The following EP400 variants were observed in gnomAD, a reference collection of about 807,000 sequenced individuals.
The protein encoded by EP400 is E1A binding protein p400, also known as E1A-binding protein p400.
EP400 carries 105 observed loss-of-function variants against 354.1 expected under a neutral mutation model. The observed-to-expected ratio is 0.30, with a 90% CI of 0.25 to 0.35. The LOEUF (loss-of-function observed/expected upper bound fraction) is 0.35, where lower values mean the gene tolerates loss of function less well. Among genes scored for constraint, EP400 ranks in the 10% least tolerant of loss-of-function variants. The pLI, the probability that EP400 is intolerant of heterozygous loss-of-function variation, is 1.00. For synonymous variants in EP400, 1,646 were observed against 1,716.9 expected, an observed-to-expected ratio of 0.96 and a Z score of 1.02; for missense variants, 3,280 against 4,121.0, an observed-to-expected ratio of 0.80 and a Z score of 5.59.
chr12:132,027,453 C>A lies in EP400; in HGVS notation c.5031C>A (p.Arg1677=). The change falls in exon 26 of 53, where the codon CGC becomes CGA. Residue 1677 remains arginine (R), a synonymous_variant. Coordinates refer to ENST00000389561, the MANE Select transcript of EP400 (RefSeq NM_015409.5). This position sits in a 1 kb window ranked among gnomAD's most constrained non-coding sequence, Gnocchi z 4.9. ...CATTTGTAGTTGGCGTTCCGGGCCGCGTGGCGGTGAATGCCTTGGCTGTAG... is the reference window on the plus strand; with the variant it reads ...CATTTGTAGTTGGCGTTCCGGGCCGAGTGGCGGTGAATGCCTTGGCTGTAG... ...PLTPQVGVPG[R]VAVNALAVGE... 1.2e-6 allele frequency: 2 copies of A among 1,614,100 alleles called. No individual in the cohort carries two copies. Among genetic ancestry groups the A allele is most frequent in the Non-Finnish European group, 1.7e-6 (2 of 1,180,042 alleles).
chr12:131,980,122 T>G lies in EP400; in HGVS notation c.1435+329T>G, dbSNP rs77868658. ...TTTTTAAGCTGATTTTTTCAAATGA[T>G]AAACTTAATACATTTTTATATAAAA... On this transcript the variant is annotated intron_variant, in intron 3 of 52. Transcript: ENST00000389561. Among the ~76,000 whole-genome samples, 722 of 152,322 alleles carry G rather than the reference T, an allele frequency of 4.7e-3. 43 individuals are homozygous for G. In the East Asian group the frequency reaches 0.12, roughly 26 times the overall value.
chr12:132,044,969 G>T lies in EP400; in HGVS notation c.6784+16G>T. ...GACCCCTCAGGTGCGCATCCCGAGG[G>T]CGTCACATGACCTGGGGGGGCCCTG... On this transcript the variant is annotated intron_variant, in intron 37 of 52. Coordinates refer to ENST00000389561, the MANE Select transcript of EP400 (RefSeq NM_015409.5). The T allele has an allele frequency of 1.2e-6, 2 of 1,612,960 alleles. No individual in the cohort carries two copies. Among genetic ancestry groups the T allele is most frequent in the Non-Finnish European group, 8.5e-7 (1 of 1,179,722 alleles).
rs1239191731 is a variant in EP400 at position 132,054,596 on chromosome 12, C to T, written c.7729-378C>T. Reference sequence around the variant, plus strand: ...GGAGTTGGTCATAAGAAGAACAAAACAGCAAGTACAGAGGCCCTGAGCTTG... The same window carrying T: ...GGAGTTGGTCATAAGAAGAACAAAATAGCAAGTACAGAGGCCCTGAGCTTG... On this transcript the variant is annotated intron_variant, in intron 43 of 52. Transcript: ENST00000389561. This position sits in a 1 kb window ranked among gnomAD's most constrained non-coding sequence, Gnocchi z 4.0. Among the ~76,000 whole-genome samples the T allele has an allele frequency of 2.0e-5, 3 of 152,172 alleles. No homozygotes were observed. The highest frequency in any genetic ancestry group is 2.9e-5 in the Non-Finnish European group (2 of 68,034).
At chr12:131,988,244 T>C (rs914496111) in intron 7 of EP400, among the ~76,000 whole-genome samples, 1 of 152,154 alleles carries the variant, frequency 6.6e-6, no homozygotes, top group East Asian at 1.9e-4. Flanking sequence ...ATAACTGTGC[T>C]GTGTAATTAA....
chr12:132,002,884 C>T (rs1455313206), intron 12 of EP400, among the ~76,000 whole-genome samples: 2 of 152,190 alleles, frequency 1.3e-5, no homozygotes, highest in Admixed American at 1.3e-4. Context: ...AAGGCTTCTT[C>T]ATGGTCTTCA....
In EP400 at chr12:132,055,185, C is replaced by T; in HGVS notation, c.7861C>T (p.Pro2621Ser). The T allele has an allele frequency of 6.4e-7, 1 of 1,574,216 alleles. No homozygotes were observed. Among genetic ancestry groups the T allele is most frequent in the East Asian group, 2.4e-5 (1 of 42,240 alleles). ...GTCCATCAACAAGCGCCTGGCGTCG[C>T]CAGTGGCTCCTGGGGCCTTGACTGT... is the stretch of plus-strand genomic sequence containing the variant. ...FQSINKRLASPVAPGALTTPG... is the reference protein window; with the variant it reads ...FQSINKRLASSVAPGALTTPG... Residue 2621 changes from proline to serine, a missense_variant, in exon 45 of 53, where the codon CCA becomes TCA. Pro to Ser is a moderately conservative substitution (Grantham distance 74). This residue lies in a region of EP400 where 255 missense variants were observed against 295.9 expected (regional missense o/e 0.86). Transcript: ENST00000389561.
intron 39 of EP400, among the ~76,000 whole-genome samples, chr12:132,049,911 G>C (rs919788507): frequency 6.6e-6 from 1 of 152,240 alleles, no homozygotes; most frequent in African/African-American, 2.4e-5. Flanking sequence ...CAGCCTCACT[G>C]TCCACCGTGG....
At position 131,960,707 on chromosome 12, in the gene EP400, G is replaced by GGGGGCCCCCCCC; in HGVS notation, c.88_89insGGGGCCCCCCCC (p.Ala30delinsGlyGlyProProPro). 3 of 1,545,584 alleles carry GGGGGCCCCCCCC rather than the reference G, an allele frequency of 1.9e-6. No homozygotes were observed. The highest frequency in any genetic ancestry group is 2.6e-6 in the Non-Finnish European group (3 of 1,146,240). ...TGGCAGCGAGGGTGAGGAGCAGCCGGCCCACCCCAACCCACCCCCGTCCCC... is the reference window on the plus strand; with the variant it reads ...TGGCAGCGAGGGTGAGGAGCAGCCGGGGGGCCCCCCCCCCCACCCCAACCCACCCCCGTCCCC... On this transcript the variant is annotated protein_altering_variant, in exon 2 of 53. Coordinates refer to ENST00000389561, the MANE Select transcript of EP400 (RefSeq NM_015409.5).
chr12:132,048,569 C>T (rs1483799802), intron 39 of EP400, among the ~76,000 whole-genome samples: 1 of 145,974 alleles, frequency 6.9e-6, no homozygotes, highest in African/African-American at 2.6e-5. Flanking sequence ...GTCACCTAGG[C>T]TGGAGTGCAG....
chr12:131,999,081 AAG>A (rs1320023615), intron 12 of EP400, among the ~76,000 whole-genome samples: 2 of 151,828 alleles, frequency 1.3e-5, no homozygotes, highest in Non-Finnish European at 1.5e-5. Context: ...CTTGCTTTGA[AAG>A]AGAGCACTTT....
Position 132,018,148 on chromosome 12 carries a change from T to G in EP400, c.4111-62T>G. Reference sequence around the variant, plus strand: ...AGGGCCCTGCCATAGAAATCAGTTTTGATTCTTAGGTGCTTTTTTTGCCTC... The same window carrying G: ...AGGGCCCTGCCATAGAAATCAGTTTGGATTCTTAGGTGCTTTTTTTGCCTC... On this transcript the variant is annotated intron_variant, in intron 20 of 52. Transcript: ENST00000389561. The surrounding 1 kb of genome is among the most constrained non-coding windows in gnomAD (Gnocchi z 4.0). The G allele has an allele frequency of 6.3e-7, 1 of 1,592,960 alleles. No homozygotes were observed. The highest frequency in any genetic ancestry group is 8.5e-7 in the Non-Finnish European group (1 of 1,173,804).
chr12:132,029,916 TGG>T lies in EP400; in HGVS notation c.5584+17_5584+18del, dbSNP rs764084336. On this transcript the variant is annotated intron_variant, in intron 28 of 52. Coordinates refer to ENST00000389561, the MANE Select transcript of EP400 (RefSeq NM_015409.5). The surrounding 1 kb of genome is among the most constrained non-coding windows in gnomAD (Gnocchi z 4.7). ...CAGTTCGACTCAGGTATGCGGCAGT[TGG>T]GGGCGTGGCCCGTGCGGGAGCTGCA... The T allele has an allele frequency of 5.0e-6, 8 of 1,611,628 alleles. No individual in the cohort carries two copies. Among genetic ancestry groups the T allele is most frequent in the Admixed American group, 3.3e-5 (2 of 60,016 alleles).
chr12:132,077,703 A>G lies in EP400; in HGVS notation c.*30A>G. Reference sequence around the variant, plus strand: ...GGCAGCAGGGCTGCCTCTCATCTAAAGCAAAACTACCTTCCTCACAGAAAA... The same window carrying G: ...GGCAGCAGGGCTGCCTCTCATCTAAGGCAAAACTACCTTCCTCACAGAAAA... On this transcript the variant is annotated 3_prime_UTR_variant, in exon 53 of 53. Transcript: ENST00000389561. 6.5e-7 allele frequency: 1 copy of G among 1,548,294 alleles called. No homozygotes were observed. The highest frequency in any genetic ancestry group is 1.2e-5 in the South Asian group (1 of 81,578).
At chr12:132,073,566 G>A (rs1896132273) in intron 51 of EP400, among the ~76,000 whole-genome samples, 1 of 150,210 alleles carries the variant, frequency 6.7e-6, no homozygotes, top group Non-Finnish European at 1.5e-5. Flanking sequence ...CGAGTCTCCT[G>A]CCTCAGCCTC....
At position 131,990,629 on chromosome 12, in the gene EP400, C is replaced by T. The variant is rs1217385423; in HGVS notation, c.2551-7C>T. Reference sequence around the variant, plus strand: ...ATGTGCTTATTCATTTAATCCTTTGCATTTAGGTTGTGGAAATAAAACTAC... The same window carrying T: ...ATGTGCTTATTCATTTAATCCTTTGTATTTAGGTTGTGGAAATAAAACTAC... On this transcript the variant is annotated splice_region_variant and splice_polypyrimidine_tract_variant and intron_variant, in intron 8 of 52. Transcript: ENST00000389561. The surrounding 1 kb of genome is among the most constrained non-coding windows in gnomAD (Gnocchi z 4.2). 1.9e-6 allele frequency: 3 copies of T among 1,595,600 alleles called. No individual in the cohort carries two copies. In the Admixed American group the frequency reaches 5.1e-5, roughly 27 times the overall value.
At position 132,006,153 on chromosome 12, in the gene EP400, T is replaced by C. The variant is rs1225450436; in HGVS notation, c.2977T>C (p.Leu993=). 3 of 1,614,090 alleles carry C rather than the reference T, an allele frequency of 1.9e-6. No individual in the cohort carries two copies. The highest frequency in any genetic ancestry group is 2.5e-6 in the Non-Finnish European group (3 of 1,180,042). ...AGGCGACAGGGAGAGTCGCAAGGAC[T>C]TGGTTCTCATCGACTCGCTTTTCAT... is the stretch of plus-strand genomic sequence containing the variant. ...CPGDRESRKD[L]VLIDSLFIMD... is the part of the protein sequence containing the mutation. Residue 993 remains leucine (L), a synonymous_variant, in exon 14 of 53, where the codon TTG becomes CTG. Transcript: ENST00000389561.
intron 24 of EP400, among the ~76,000 whole-genome samples, chr12:132,024,716 G>A (rs35477684): frequency 0.042 from 5,695 of 135,024 alleles, 154 homozygotes; most frequent in Non-Finnish European, 0.064. Context: ...CAGCCTCAGC[G>A]GCTACCTTCC....
At chr12:132,010,902 G>T (rs893404411) in intron 15 of EP400, among the ~76,000 whole-genome samples, 3 of 152,142 alleles carry the variant, frequency 2.0e-5, no homozygotes, top group Admixed American at 6.5e-5. Flanking sequence ...AGATTGTGCC[G>T]TTGGACTCCA....
intron 1 of EP400, among the ~76,000 whole-genome samples, chr12:131,952,130 C>A (rs1446931406): frequency 6.6e-6 from 1 of 150,686 alleles, no homozygotes; most frequent in Non-Finnish European, 1.5e-5. Flanking sequence ...TTTCACCCCC[C>A]ATCTCTACTA....
Sources: gnomAD v4.1 joint callset for allele counts (sites outside exome capture counted in the v4.1 genomes callset) on GRCh38, gnomAD v4.1.1 for gene constraint, gnomAD v4.1.1 regional missense constraint, Gnocchi (gnomAD v3.1) non-coding constraint, MANE v1.5 for transcripts, NCBI Gene and HGNC (gene_info 2026-07-23, HGNC 2026-07-21) for gene names.